KIAA1328: variants seen among roughly 807,000 people sequenced by gnomAD.
The protein encoded by KIAA1328 is protein hinderin.
Under a neutral mutation model 68.1 loss-of-function variants are expected in KIAA1328, and 52 were observed. The observed-to-expected ratio is 0.76, with a 90% CI of 0.61 to 0.96. The LOEUF is 0.96. KIAA1328 is among the 40% of genes least tolerant of loss of function. The pLI is 0.00. For synonymous variants in KIAA1328, 232 were observed against 239.4 expected (o/e 0.97, Z 0.28); for missense variants, 641 against 677.6 (o/e 0.95, Z 0.60).
rs563452530 is a variant in KIAA1328 at position 36,937,012 on chromosome 18, A to T, written c.449-22296A>T. Among the ~76,000 whole-genome samples, 3 of 152,366 alleles carry T rather than the reference A, an allele frequency of 2.0e-5. No individual in the cohort carries two copies. The South Asian group carries it at 6.2e-4, about 32-fold the overall frequency. On this transcript the variant is annotated intron_variant, in intron 5 of 9. Transcript: ENST00000280020. ...TGTGATACTGATAGCAAAAACAGGC[A>T]TATAAACCAATGGAGCAAAACAGAA... is the stretch of plus-strand genomic sequence containing the variant.
At chr18:37,163,123 G>A (rs1599475478) in intron 8 of KIAA1328, among the ~76,000 whole-genome samples, 1 of 151,954 alleles carries the variant, frequency 6.6e-6, no homozygotes, top group East Asian at 1.9e-4. Flanking sequence ...TTCCTCCCTT[G>A]TAGCCTCAAA....
intron 9 of KIAA1328, among the ~76,000 whole-genome samples, chr18:37,192,808 C>G (rs1380527294): frequency 6.6e-6 from 1 of 152,090 alleles, no homozygotes; most frequent in Admixed American, 6.6e-5. Flanking sequence ...GATTAAGATG[C>G]TACAAAATGA....
intron 7 of KIAA1328, among the ~76,000 whole-genome samples, chr18:37,099,496 T>C (rs1349026508): frequency 6.6e-6 from 1 of 152,220 alleles, no homozygotes; most frequent in African/African-American, 2.4e-5. Flanking sequence ...TACTTCCAAC[T>C]ATGTGGTCAA....
intron 7 of KIAA1328, among the ~76,000 whole-genome samples, chr18:37,142,548 A>G (rs1204082042): frequency 6.6e-6 from 1 of 152,068 alleles, no homozygotes; most frequent in Non-Finnish European, 1.5e-5. Context: ...TGCTGAAAAA[A>G]ACTTTTTTCT....
chr18:36,958,919 A>G (rs1349128876), intron 5 of KIAA1328, among the ~76,000 whole-genome samples: 1 of 151,840 alleles, frequency 6.6e-6, no homozygotes, highest in Non-Finnish European at 1.5e-5. Flanking sequence ...ACAAAGATGT[A>G]CTTTTATATT....
chr18:37,057,893 G>T (rs114091023), intron 6 of KIAA1328, among the ~76,000 whole-genome samples: 113 of 152,208 alleles, frequency 7.4e-4, no homozygotes, highest in African/African-American at 2.3e-3. Context: ...AATATTTATT[G>T]TATGGCCCTT....
intron 9 of KIAA1328, among the ~76,000 whole-genome samples, chr18:37,216,191 T>C (rs1013638588): frequency 2.6e-5 from 4 of 152,236 alleles, no homozygotes; most frequent in African/African-American, 9.6e-5. Flanking sequence ...CTGCTAGGTT[T>C]TGAATTTGTT....
At chr18:37,043,386 A>G (rs1023984856) in intron 6 of KIAA1328, among the ~76,000 whole-genome samples, 2 of 152,074 alleles carry the variant, frequency 1.3e-5, no homozygotes, top group African/African-American at 4.8e-5. Context: ...TAGGCTTCTG[A>G]TTCTTTCTCT....
At chr18:37,093,032 C>G (rs1479586936) in intron 7 of KIAA1328, among the ~76,000 whole-genome samples, 1 of 152,186 alleles carries the variant, frequency 6.6e-6, no homozygotes, top group African/African-American at 2.4e-5. Flanking sequence ...GAGGAGCTAT[C>G]AGATACTGCT....
intron 8 of KIAA1328, among the ~76,000 whole-genome samples, chr18:37,167,963 A>G (rs1344419905): frequency 1.3e-5 from 2 of 152,146 alleles, no homozygotes; most frequent in African/African-American, 4.8e-5. Flanking sequence ...GGATGAAAAT[A>G]TACTTAACAA....
intron 6 of KIAA1328, among the ~76,000 whole-genome samples, chr18:36,963,287 A>C (rs147154080): frequency 6.6e-6 from 1 of 152,328 alleles, no homozygotes; most frequent in East Asian, 1.9e-4. Flanking sequence ...TGTGAAGATC[A>C]GATTTCAGAC....
At chr18:37,187,648 A>AT (rs775903924) in intron 9 of KIAA1328, among the ~76,000 whole-genome samples, 4 of 151,960 alleles carry the variant, frequency 2.6e-5, no homozygotes, top group African/African-American at 4.8e-5. Flanking sequence ...AGCTAGGAGG[A>AT]TTTTTTTTAA....
Position 37,142,577 on chromosome 18 carries a change from C to A in KIAA1328, c.1233-17623C>A, listed in dbSNP as rs149256113. 2.4e-4 allele frequency among the ~76,000 whole-genome samples: 36 copies of A among 152,134 alleles called. No homozygotes were observed. In the East Asian group the frequency reaches 6.9e-3, roughly 29 times the overall value. On this transcript the variant is annotated intron_variant, in intron 7 of 9. Coordinates refer to ENST00000280020, the MANE Select transcript of KIAA1328 (RefSeq NM_020776.3). ...TTTTTCTTCACTGAATTGCCTGATACATTTTCAAAGGTCAGTTGAATGTGT... is the reference window on the plus strand; with the variant it reads ...TTTTTCTTCACTGAATTGCCTGATAAATTTTCAAAGGTCAGTTGAATGTGT...
intron 6 of KIAA1328, among the ~76,000 whole-genome samples, chr18:37,019,678 C>G (rs1038630368): frequency 7.9e-5 from 12 of 152,220 alleles, no homozygotes; most frequent in African/African-American, 2.9e-4. Flanking sequence ...GACTATCCAC[C>G]TGGGCGTGGA....
rs1475292095 is a variant in KIAA1328 at position 37,222,605 on chromosome 18, A to G, written c.*378A>G. 2 of 1,042,404 alleles carry G rather than the reference A, an allele frequency of 1.9e-6. No homozygotes were observed. The highest frequency in any genetic ancestry group is 1.2e-6 in the Non-Finnish European group (1 of 865,608). 64.6% of individuals were successfully genotyped at this position (1,042,404 alleles called of 1,614,324 possible). On this transcript the variant is annotated 3_prime_UTR_variant, in exon 10 of 10. Transcript: ENST00000280020. ...TTTTATATACAAGAAAAACCTTTCC[A>G]CTGAAAAATCCCTCTGATTTAAAAG...
intron 4 of KIAA1328, among the ~76,000 whole-genome samples, chr18:36,866,247 A>G (rs1455913026): frequency 1.3e-5 from 2 of 151,980 alleles, no homozygotes; most frequent in East Asian, 3.9e-4. Context: ...GCTTCTCCAC[A>G]TGGATGTCCT....
intron 7 of KIAA1328, among the ~76,000 whole-genome samples, chr18:37,114,793 A>G (rs1568424742): frequency 6.6e-6 from 1 of 152,144 alleles, no homozygotes; most frequent in African/African-American, 2.4e-5. Flanking sequence ...AAGAAAAGAG[A>G]AAGAATCAAA....
Position 37,067,091 on chromosome 18 carries a change from G to C in KIAA1328, c.778G>C (p.Asp260His). ...VTLHHPKDDL[D>H]KIPSETTTCN... is the part of the protein sequence containing the mutation. ...CCTTCATCATCCCAAAGATGATCTA[G>C]ATAAGATACCATCAGAGACCACAAC... The change falls in exon 7 of 10, where the codon GAT becomes CAT. Residue 260 changes from aspartate to histidine, a missense_variant. By Grantham distance (81) the Asp-to-His change is moderately conservative. Coordinates refer to ENST00000280020, the MANE Select transcript of KIAA1328 (RefSeq NM_020776.3). 2 of 1,613,980 alleles carry C rather than the reference G, an allele frequency of 1.2e-6. No individual in the cohort carries two copies. The highest frequency in any genetic ancestry group is 1.1e-5 in the South Asian group (1 of 91,082).
intron 7 of KIAA1328, among the ~76,000 whole-genome samples, chr18:37,103,457 A>G (rs978103370): frequency 1.3e-5 from 2 of 152,236 alleles, no homozygotes; most frequent in Non-Finnish European, 2.9e-5. Flanking sequence ...CCGTATGCGT[A>G]TGAATGAAAC....
Sources: allele counts gnomAD v4.1 joint callset (sites outside exome capture counted in the v4.1 genomes callset), GRCh38; gene constraint gnomAD v4.1.1; transcripts MANE v1.5; gene names NCBI Gene and HGNC (gene_info 2026-07-23, HGNC 2026-07-21).